The following PLEKHG3 variants were observed in gnomAD, a reference collection of about 807,000 sequenced individuals.
The protein encoded by PLEKHG3 is pleckstrin homology domain-containing family G member 3.
PLEKHG3 carries 62 observed loss-of-function variants against 94.9 expected under a neutral mutation model. The ratio of observed to expected loss-of-function variants is 0.65; its 90% CI spans 0.53 to 0.81. PLEKHG3 has a LOEUF of 0.81. Ranked by LOEUF, PLEKHG3 falls within the 30% of genes least tolerant of loss-of-function variation. The pLI, the probability that PLEKHG3 is intolerant of heterozygous loss-of-function variation, is 0.00. For synonymous variants in PLEKHG3, 614 were observed against 654.0 expected (o/e 0.94, Z 0.93); for missense variants, 1,461 against 1,619.3 (o/e 0.90, Z 1.68).
Position 64,704,827 on chromosome 14 carries a change from T to G in PLEKHG3, c.-40+123T>G, listed in dbSNP as rs11621379. On this transcript the variant is annotated intron_variant, in intron 1 of 16. Transcript: ENST00000247226. The surrounding 1 kb of genome is among the most constrained non-coding windows in gnomAD (Gnocchi z 5.6). Reference sequence around the variant, plus strand: ...GCCCCCGTGCCAGCCCCCTGCGGGGTGAGGACCGGGGCGACCGAGGAGGGC... The same window carrying G: ...GCCCCCGTGCCAGCCCCCTGCGGGGGGAGGACCGGGGCGACCGAGGAGGGC... 0.068 allele frequency: 10,413 copies of G among 152,416 alleles called. 395 individuals carry two copies. Among genetic ancestry groups the G allele is most frequent in the Non-Finnish European group, 0.088 (6,011 of 68,202 alleles). 9.4% of individuals were successfully genotyped at this position (152,416 alleles called of 1,614,324 possible).
At chr14:64,736,961 C>A in intron 13 of PLEKHG3, 70 bp downstream of exon 13, 2 of 1,160,002 alleles carry the variant, frequency 1.7e-6, no homozygotes, top group Non-Finnish European at 2.6e-6. Flanking sequence ...AAGCAGCCGA[C>A]AACCTGGGGT....
chr14:64,731,558 C>T lies in PLEKHG3; in HGVS notation c.1032+15C>T. ...GCAACATCCCGGTAACCAGGCCCTG[C>T]CCCATCTCCTCTGCCATCTTCTCTC... On this transcript the variant is annotated intron_variant, in intron 8 of 16. Coordinates refer to ENST00000247226, the MANE Select transcript of PLEKHG3 (RefSeq NM_001308147.2). The surrounding 1 kb of genome is among the most constrained non-coding windows in gnomAD (Gnocchi z 6.1). 6.2e-7 allele frequency: 1 copy of T among 1,611,318 alleles called. No homozygotes were observed. Among genetic ancestry groups the T allele is most frequent in the South Asian group, 1.1e-5 (1 of 91,004 alleles).
chr14:64,724,880 T>G (rs1355627682), intron 1 of PLEKHG3, among the ~76,000 whole-genome samples: 2 of 152,192 alleles, frequency 1.3e-5, no homozygotes. Context: ...AGTACCTGCA[T>G]GTATAAAATG....
rs541720862 is a variant in PLEKHG3 at position 64,723,261 on chromosome 14, G to T, written c.-39-4332G>T. ...ATCCTTAAAGGTGTATGTCTGAGCT[G>T]CTGCTTAGGCCCATCAAAAAGAAAG... On this transcript the variant is annotated intron_variant, in intron 1 of 16. Coordinates refer to ENST00000247226, the MANE Select transcript of PLEKHG3 (RefSeq NM_001308147.2). This position sits in a 1 kb window ranked among gnomAD's most constrained non-coding sequence, Gnocchi z 4.5. 6.6e-6 allele frequency among the ~76,000 whole-genome samples: 1 copy of T among 152,146 alleles called. No homozygotes were observed. The highest frequency in any genetic ancestry group is 2.1e-4 in the South Asian group (1 of 4,818).
In PLEKHG3 at chr14:64,730,856, G is replaced by A. The variant is rs143419013; in HGVS notation, c.624G>A (p.Arg208=). ...MRDKQQAKFF[R]DRQELLQHSL... is the part of the protein sequence containing the mutation. ...ACAAGCAGCAGGCCAAGTTCTTTCG[G>A]GACCGGCAGGAGCTGCTACAGCACT... is the stretch of plus-strand genomic sequence containing the variant. Residue 208 remains arginine, a synonymous_variant, in exon 6 of 17, where the codon CGG becomes CGA. Transcript: ENST00000247226. This position sits in a 1 kb window ranked among gnomAD's most constrained non-coding sequence, Gnocchi z 5.4. The A allele has an allele frequency of 3.7e-6, 6 of 1,613,170 alleles. No individual in the cohort carries two copies. In the African/African-American group the frequency reaches 5.3e-5, roughly 14 times the overall value.
intron 12 of PLEKHG3, among the ~76,000 whole-genome samples, chr14:64,733,654 G>A (rs991114109): frequency 2.0e-5 from 3 of 152,290 alleles, no homozygotes; most frequent in South Asian, 2.1e-4. Context: ...CGGGGAAAAC[G>A]AGTTCAGTGG....
At chr14:64,736,062 C>T (rs2081563009) in intron 12 of PLEKHG3, among the ~76,000 whole-genome samples, 5 of 152,262 alleles carry the variant, frequency 3.3e-5, no homozygotes, top group Admixed American at 3.3e-4. Flanking sequence ...GACTTTCCTT[C>T]TGACTCCAGG....
chr14:64,705,863 T>C (rs983759236), intron 1 of PLEKHG3, among the ~76,000 whole-genome samples: 7 of 152,170 alleles, frequency 4.6e-5, no homozygotes, highest in Admixed American at 4.6e-4. Context: ...TACATTTATC[T>C]CTCTGTTATA....
chr14:64,749,374 C>T lies in PLEKHG3; in HGVS notation c.*5671C>T, dbSNP rs367617790. The T allele has an allele frequency of 1.5e-5, 24 of 1,610,230 alleles. No homozygotes were observed. Among genetic ancestry groups the T allele is most frequent in the Non-Finnish European group, 1.8e-5 (21 of 1,179,748 alleles). ...TTCTTGCCGAGGCTGGCGTCGGGGC[C>T]GGAGAGGGAAGGCAGGGGCAGGCTC... On this transcript the variant is annotated 3_prime_UTR_variant, in exon 17 of 17. Coordinates refer to ENST00000247226, the MANE Select transcript of PLEKHG3 (RefSeq NM_001308147.2). This position sits in a 1 kb window ranked among gnomAD's most constrained non-coding sequence, Gnocchi z 4.7.
chr14:64,733,144 T>A (rs1386624649), intron 12 of PLEKHG3, among the ~76,000 whole-genome samples: 1 of 149,234 alleles, frequency 6.7e-6, no homozygotes, highest in Non-Finnish European at 1.5e-5. Context: ...TACTTTTTTC[T>A]TTTCTTTTCT....
At chr14:64,707,019 T>G (rs997263506) in intron 1 of PLEKHG3, among the ~76,000 whole-genome samples, 1 of 152,178 alleles carries the variant, frequency 6.6e-6, no homozygotes, top group African/African-American at 2.4e-5. Flanking sequence ...TGTCTTCAGC[T>G]CCTCATCTGT....
Position 64,727,496 on chromosome 14 carries a change from TTCCCACCCCACC to T in PLEKHG3, c.-39-95_-39-84del. The stretch of plus-strand genomic sequence containing the variant: ...AACTCTGGATGCACTAAATAATACC[TTCCCACCCCACC>T]TGCCCCCACCCCTGGCAACCGTCCC... On this transcript the variant is annotated intron_variant, in intron 1 of 16. Transcript: ENST00000247226. This position sits in a 1 kb window ranked among gnomAD's most constrained non-coding sequence, Gnocchi z 6.0. 1.7e-6 allele frequency: 1 copy of T among 588,606 alleles called. No individual in the cohort carries two copies. Among genetic ancestry groups the T allele is most frequent in the Non-Finnish European group, 3.1e-6 (1 of 326,856 alleles). The allele number at this position is 588,606 out of a possible 1,614,324, so 36.5% of individuals were successfully genotyped here.
Position 64,731,038 on chromosome 14 carries a change from G to C in PLEKHG3, c.718G>C (p.Glu240Gln). 1.2e-6 allele frequency: 2 copies of C among 1,614,114 alleles called. No individual in the cohort carries two copies. Among genetic ancestry groups the C allele is most frequent in the Non-Finnish European group, 1.7e-6 (2 of 1,180,016 alleles). Residue 240 changes from glutamate (E) to glutamine (Q), a missense_variant and splice_region_variant, in exon 7 of 17, where the codon GAA (glutamate) becomes CAA (glutamine). Coordinates refer to ENST00000247226, the MANE Select transcript of PLEKHG3 (RefSeq NM_001308147.2). This position sits in a 1 kb window ranked among gnomAD's most constrained non-coding sequence, Gnocchi z 6.1. ...RILKYHLLLQ[E>Q]IAKHFDEEED... is the part of the protein sequence containing the mutation. ...ACCTAAGCGTCTATCTTCTGCGCAG[G>C]AAATTGCCAAGCATTTTGATGAAGA...
rs954673516 is a variant in PLEKHG3, at chr14:64,715,535, G to T, written c.-40+10831G>T. On this transcript the variant is annotated intron_variant, in intron 1 of 16. Transcript: ENST00000247226. The surrounding 1 kb of genome is among the most constrained non-coding windows in gnomAD (Gnocchi z 4.4). ...GTTTCCTGACCTGTAAAATAGGGAT[G>T]GCCACCTGCCTTTCCTCTCTGCCCC... Among the ~76,000 whole-genome samples, 2 of 152,290 alleles carry T rather than the reference G, an allele frequency of 1.3e-5. No homozygotes were observed.
In PLEKHG3 at chr14:64,742,090, C is replaced by G; in HGVS notation, c.2573C>G (p.Thr858Arg). The G allele has an allele frequency of 6.2e-7, 1 of 1,610,294 alleles. No individual in the cohort carries two copies. The highest frequency in any genetic ancestry group is 8.5e-7 in the Non-Finnish European group (1 of 1,179,378). Residue 858 changes from threonine to arginine, a missense_variant, in exon 16 of 17, where the codon ACA becomes AGA. By Grantham distance (71) the Thr-to-Arg change is moderately conservative. Around this residue, in one of 3 missense-constraint regions of PLEKHG3, gnomAD observed 1,201 missense variants for 1,295.5 expected, o/e 0.93. Transcript: ENST00000247226. ...ILEEHELGAI[T>R]EESATASPES... ...GAGGAGCATGAGCTGGGAGCCATCA[C>G]AGAGGAGTCGGCCACTGCCTCCCCG...
rs1566694102 is a variant in PLEKHG3 at position 64,716,494 on chromosome 14, A to AC, written c.-39-11098dup. ...ACACACACACACAACACACACACAC[A>AC]CAACACACACACACACACACACACA... On this transcript the variant is annotated intron_variant, in intron 1 of 16. Transcript: ENST00000247226. The surrounding 1 kb of genome is among the most constrained non-coding windows in gnomAD (Gnocchi z 5.0). Among the ~76,000 whole-genome samples, 19 of 83,232 alleles carry AC rather than the reference A, an allele frequency of 2.3e-4. No individual in the cohort carries two copies. The highest frequency in any genetic ancestry group is 2.2e-3 in the East Asian group (3 of 1,348). The allele number at this position is 83,232 out of a possible 152,430, so 54.6% of individuals were successfully genotyped here.
chr14:64,743,661 A>G lies in PLEKHG3; in HGVS notation c.3618A>G (p.Arg1206=), dbSNP rs1337555776. ...ACCCGAGCCAGCAGGGCAGAGTGAG[A>G]AACCTTAGAGAGAAGTTCCAGGCCT... The part of the protein sequence containing the change: ...PADPSQQGRV[R]NLREKFQALN... Residue 1206 remains arginine (R), a synonymous_variant, in exon 17 of 17, where the codon AGA becomes AGG. Transcript: ENST00000247226. The surrounding 1 kb of genome is among the most constrained non-coding windows in gnomAD (Gnocchi z 7.2). The G allele has an allele frequency of 6.2e-7, 1 of 1,603,480 alleles. No homozygotes were observed. Among genetic ancestry groups the G allele is most frequent in the South Asian group, 1.1e-5 (1 of 90,164 alleles).
chr14:64,732,922 G>T lies in PLEKHG3; in HGVS notation c.1345+21G>T. 1 of 1,473,506 alleles carries T rather than the reference G, an allele frequency of 6.8e-7. No homozygotes were observed. Among genetic ancestry groups the T allele is most frequent in the Non-Finnish European group, 9.4e-7 (1 of 1,064,064 alleles). The allele number at this position is 1,473,506 out of a possible 1,614,324, so 91.3% of individuals were successfully genotyped here. ...ATCTGGTAAGAGAAGGGCTGTGGAGGCAGGAGGCCTCTCCCTCACACCCTT... is the reference window on the plus strand; with the variant it reads ...ATCTGGTAAGAGAAGGGCTGTGGAGTCAGGAGGCCTCTCCCTCACACCCTT... On this transcript the variant is annotated intron_variant, in intron 12 of 16. Coordinates refer to ENST00000247226, the MANE Select transcript of PLEKHG3 (RefSeq NM_001308147.2). The surrounding 1 kb of genome is among the most constrained non-coding windows in gnomAD (Gnocchi z 4.9).
chr14:64,744,247 G>A lies in PLEKHG3; in HGVS notation c.*544G>A, dbSNP rs1021011305. 4 of 153,046 alleles carry A rather than the reference G, an allele frequency of 2.6e-5. No individual in the cohort carries two copies. The highest frequency in any genetic ancestry group is 9.6e-5 in the African/African-American group (4 of 41,474). The allele number at this position is 153,046 out of a possible 1,614,324, so 9.5% of individuals were successfully genotyped here. ...TCAAGAATGAAGTGGATTCAGTTCA[G>A]GTACTTTTGAGGGTTGTTGTGCTGA... On this transcript the variant is annotated 3_prime_UTR_variant, in exon 17 of 17. Transcript: ENST00000247226.
Sources: allele counts gnomAD v4.1 joint callset (sites outside exome capture counted in the v4.1 genomes callset), GRCh38; gene constraint gnomAD v4.1.1; regional missense constraint gnomAD v4.1.1; non-coding constraint Gnocchi (gnomAD v3.1); transcripts MANE v1.5; gene names NCBI Gene and HGNC (gene_info 2026-07-23, HGNC 2026-07-21).